CEP164: variants seen among roughly 807,000 people sequenced by gnomAD.
CEP164 encodes centrosomal protein of 164 kDa.
In CEP164, 162 loss-of-function variants were observed where a neutral mutation model predicts 182.7. The ratio of observed to expected loss-of-function variants is 0.89; its 90% CI spans 0.78 to 1.01. The LOEUF (loss-of-function observed/expected upper bound fraction) is 1.01. CEP164 is among the 50% of genes least tolerant of loss of function. The probability of loss-of-function intolerance (pLI) is 0.00; values close to 1 mark genes in which losing one functional copy is unlikely to be tolerated. For missense variants in CEP164, 1,735 were observed against 1,790.4 expected, an observed-to-expected ratio of 0.97 and a Z score of 0.56; for synonymous variants, 661 against 690.0, an observed-to-expected ratio of 0.96 and a Z score of 0.66.
chr11:117,409,143 G>A lies in CEP164; in HGVS notation c.3748+115G>A. The A allele has an allele frequency of 7.9e-6, 11 of 1,387,002 alleles. No homozygotes were observed. Among genetic ancestry groups the A allele is most frequent in the South Asian group, 5.3e-5 (4 of 75,250 alleles). The allele number at this position is 1,387,002 out of a possible 1,614,324, so 85.9% of individuals were successfully genotyped here. A position where few individuals can be genotyped will look rare whatever the true frequency, so the allele number is the denominator to read the frequency against. On this transcript the variant is annotated intron_variant, in intron 29 of 32. Transcript: ENST00000278935. The surrounding 1 kb of genome is among the most constrained non-coding windows in gnomAD (Gnocchi z 4.4). The stretch of plus-strand genomic sequence containing the variant: ...CTGCAGAGGGAGGCCTCTGTGAGCC[G>A]GTGTCTGGACTAGGTGCTCGGTCAG...
upstream of CEP164, among the ~76,000 whole-genome samples, chr11:117,323,274 G>A (rs113150932): frequency 9.2e-3 from 1,397 of 151,218 alleles, 22 homozygotes; most frequent in African/African-American, 0.032. Context: ...CCTCAATCTG[G>A]TAACCACTGT....
rs559949191 is a variant in CEP164, at chr11:117,400,762, T to G, written c.3501+3449T>G. Among the ~76,000 whole-genome samples, 3 of 152,308 alleles carry G rather than the reference T, an allele frequency of 2.0e-5. No individual in the cohort carries two copies. In the South Asian group the frequency reaches 6.2e-4, roughly 32 times the overall value. The stretch of plus-strand genomic sequence containing the variant: ...TCTTTGTAGCAACTGTGAATGGGAG[T>G]TCACTCATGCTTTGGCTCTCCGTTT... On this transcript the variant is annotated intron_variant, in intron 27 of 32. Transcript: ENST00000278935.
intron 6 of CEP164, 42 bp downstream of exon 6, chr11:117,362,035 G>C: frequency 6.6e-7 from 1 of 1,513,134 alleles, no homozygotes; most frequent in Non-Finnish European, 8.9e-7. Context: ...AGTTCCTGTG[G>C]GGCCTCCCGT....
intron 1 of CEP164, among the ~76,000 whole-genome samples, chr11:117,335,015 A>G (rs2036846428): frequency 6.6e-6 from 1 of 152,092 alleles, no homozygotes; most frequent in African/African-American, 2.4e-5. Flanking sequence ...TCAGGCCACC[A>G]TTGGGCCCTC....
chr11:117,350,784 T>G lies in CEP164; in HGVS notation c.195-1006T>G, dbSNP rs1266211394. On this transcript the variant is annotated intron_variant, in intron 4 of 32. Transcript: ENST00000278935. Reference sequence around the variant, plus strand: ...ATGCCTCTCCAGTGGGTTTTTTTCTTTTTCTTTTTTTTTCTGACTTTTCAG... The same window carrying G: ...ATGCCTCTCCAGTGGGTTTTTTTCTGTTTCTTTTTTTTTCTGACTTTTCAG... Among the ~76,000 whole-genome samples, 4 of 152,140 alleles carry G rather than the reference T, an allele frequency of 2.6e-5. No homozygotes were observed. The East Asian group carries it at 7.7e-4, about 29-fold the overall frequency.
chr11:117,354,482 C>T (rs1300708293), intron 5 of CEP164, among the ~76,000 whole-genome samples: 2 of 152,118 alleles, frequency 1.3e-5, no homozygotes, highest in Non-Finnish European at 2.9e-5. Flanking sequence ...AGAAATGGAG[C>T]TTCTTTGGTT....
intron 1 of CEP164, among the ~76,000 whole-genome samples, chr11:117,333,140 G>T (rs1319031657): frequency 6.6e-6 from 1 of 152,094 alleles, no homozygotes; most frequent in Admixed American, 6.6e-5. Flanking sequence ...AGCCCCCCAA[G>T]TAGCTGGGAC....
At chr11:117,381,032 G>T (rs1743601900) in intron 12 of CEP164, among the ~76,000 whole-genome samples, 1 of 152,212 alleles carries the variant, frequency 6.6e-6, no homozygotes, top group African/African-American at 2.4e-5. Flanking sequence ...GAAGCTGTGT[G>T]TGTGCCTGGT....
At chr11:117,410,947 CTG>C in intron 31 of CEP164, 53 bp downstream of exon 31, 3 of 1,523,332 alleles carry the variant, frequency 2.0e-6, no homozygotes, top group Non-Finnish European at 1.8e-6. Flanking sequence ...GAGCTGCTCA[CTG>C]TGCCTCCCTG....
At chr11:117,324,453 A>AC (rs1364932918), upstream of CEP164, among the ~76,000 whole-genome samples, 3 of 151,420 alleles carry the variant, frequency 2.0e-5, no homozygotes, top group Non-Finnish European at 2.9e-5. Flanking sequence ...AAAAAAAAAA[A>AC]AAAATTTGTG....
intron 10 of CEP164, among the ~76,000 whole-genome samples, chr11:117,374,226 A>T (rs1052899650): frequency 3.9e-5 from 6 of 152,146 alleles, no homozygotes; most frequent in Admixed American, 3.9e-4. Context: ...TGTGGCGAGG[A>T]CAGTCCCCAG....
intron 6 of CEP164, 30 bp downstream of exon 6, chr11:117,362,023 G>A (rs201696624): frequency 6.5e-7 from 1 of 1,528,404 alleles, no homozygotes. Context: ...TTCAGTGTCT[G>A]TAGTTCCTGT....
chr11:117,379,908 A>G (rs2043139417), intron 11 of CEP164, among the ~76,000 whole-genome samples: 1 of 146,846 alleles, frequency 6.8e-6, no homozygotes, highest in South Asian at 2.1e-4. Flanking sequence ...TAGTCACCCA[A>G]GCTTTAAAAT....
At chr11:117,401,152 A>G (rs1228914582) in intron 27 of CEP164, among the ~76,000 whole-genome samples, 1 of 152,154 alleles carries the variant, frequency 6.6e-6, no homozygotes, top group African/African-American at 2.4e-5. Context: ...TTATTTTGAG[A>G]TACGTTCCCT....
At chr11:117,376,108 A>G (rs533550087) in intron 11 of CEP164, among the ~76,000 whole-genome samples, 1 of 152,230 alleles carries the variant, frequency 6.6e-6, no homozygotes, top group African/African-American at 2.4e-5. Flanking sequence ...ATCCTGGCCC[A>G]TTCATCCTCT....
chr11:117,387,071 G>C, intron 14 of CEP164, 132 bp from the exon 15 acceptor site: 3 of 785,146 alleles, frequency 3.8e-6, no homozygotes, highest in Non-Finnish European at 6.4e-6. Context: ...GCCCTTGGGT[G>C]ACCTCTTTGA....
intron 27 of CEP164, among the ~76,000 whole-genome samples, chr11:117,405,407 G>C (rs1315453261): frequency 6.6e-6 from 1 of 152,128 alleles, no homozygotes; most frequent in Non-Finnish European, 1.5e-5. Context: ...CTAGGGGAGG[G>C]AGTTCCCTGA....
intron 9 of CEP164, among the ~76,000 whole-genome samples, chr11:117,372,801 G>A (rs970994835): frequency 2.0e-5 from 3 of 152,162 alleles, no homozygotes; most frequent in African/African-American, 4.8e-5. Flanking sequence ...ATTGTGTGTC[G>A]TGACGAGATG....
Position 117,409,874 on chromosome 11 carries a change from C to T in CEP164, c.4005C>T (p.Ala1335=), listed in dbSNP as rs2047135790. 1 of 1,613,784 alleles carries T rather than the reference C, an allele frequency of 6.2e-7. No individual in the cohort carries two copies. The change falls in exon 30 of 33, where the codon GCC becomes GCT. Residue 1335 remains alanine, a synonymous_variant. Transcript: ENST00000278935. This position sits in a 1 kb window ranked among gnomAD's most constrained non-coding sequence, Gnocchi z 4.4. ...SSATPTSTQW[A]WDSGQGPRLP... is the part of the protein sequence containing the mutation. Reference sequence around the variant, plus strand: ...CTACACCCACGTCCACCCAATGGGCCTGGGATTCAGGGCAGGGGCCCAGGC... The same window carrying T: ...CTACACCCACGTCCACCCAATGGGCTTGGGATTCAGGGCAGGGGCCCAGGC...
Sources: gnomAD v4.1 joint callset for allele counts (sites outside exome capture counted in the v4.1 genomes callset) on GRCh38, gnomAD v4.1.1 for gene constraint, Gnocchi (gnomAD v3.1) non-coding constraint, MANE v1.5 for transcripts, NCBI Gene and HGNC (gene_info 2026-07-23, HGNC 2026-07-21) for gene names.